The following KCNIP4 variants were observed in gnomAD, a reference collection of about 807,000 sequenced individuals.
The protein encoded by KCNIP4 is Kv channel-interacting protein 4.
Under a neutral mutation model 34.0 loss-of-function variants are expected in KCNIP4, and 12 were observed. The observed-to-expected ratio is 0.35, with a 90% confidence interval of 0.23 to 0.57. The LOEUF (loss-of-function observed/expected upper bound fraction) is 0.57, where lower values mean the gene tolerates loss of function less well. Ranked by LOEUF, KCNIP4 falls within the 20% of genes least tolerant of loss-of-function variation. KCNIP4 has a pLI of 0.83. For missense variants in KCNIP4, 238 were observed against 311.7 expected, an observed-to-expected ratio of 0.76 and a Z score of 1.78; for synonymous variants, 124 against 102.2, an observed-to-expected ratio of 1.21 and a Z score of -1.29.
chr4:21,519,153 G>A lies in KCNIP4; in HGVS notation c.61+429418C>T, dbSNP rs565022623. The stretch of plus-strand genomic sequence containing the variant: ...TGGTATTAGGAGGTGGGGCCTTTGG[G>A]AGGTGATTGAGACTTAAGGGTGAAG... On this transcript the variant is annotated intron_variant, in intron 1 of 8. Coordinates refer to ENST00000382152, the MANE Select transcript of KCNIP4 (RefSeq NM_025221.6). 1.4e-4 allele frequency among the ~76,000 whole-genome samples: 21 copies of A among 152,114 alleles called. No individual in the cohort carries two copies. The South Asian group carries it at 4.4e-3, about 32-fold the overall frequency.
chr4:21,779,302 A>C (rs2109209083), intron 1 of KCNIP4, among the ~76,000 whole-genome samples: 1 of 152,230 alleles, frequency 6.6e-6, no homozygotes, highest in Middle Eastern at 3.4e-3. Context: ...TTAGCATTTA[A>C]AAAGCATAAA....
At chr4:21,420,357 T>G (rs150146287) in intron 1 of KCNIP4, among the ~76,000 whole-genome samples, 2 of 152,328 alleles carry the variant, frequency 1.3e-5, no homozygotes, top group African/African-American at 4.8e-5. Context: ...GTTTATGAAC[T>G]GCTGTAATAG....
chr4:21,220,820 G>A (rs1283974280), intron 1 of KCNIP4, among the ~76,000 whole-genome samples: 1 of 152,030 alleles, frequency 6.6e-6, no homozygotes, highest in Non-Finnish European at 1.5e-5. Context: ...TCAGCTATGT[G>A]AGTTAATATA....
intron 1 of KCNIP4, among the ~76,000 whole-genome samples, chr4:21,943,521 C>G (rs553605820): frequency 6.6e-6 from 1 of 151,918 alleles, no homozygotes; most frequent in Non-Finnish European, 1.5e-5. Flanking sequence ...GCCTGGGCAA[C>G]AGAGTGAGAC....
Position 21,178,462 on chromosome 4 carries a change from G to T in KCNIP4, c.62-295753C>A, listed in dbSNP as rs1754595378. Among the ~76,000 whole-genome samples, 3 of 151,770 alleles carry T rather than the reference G, an allele frequency of 2.0e-5. No homozygotes were observed. The South Asian group carries it at 6.2e-4, about 31-fold the overall frequency. On this transcript the variant is annotated intron_variant, in intron 1 of 8. Coordinates refer to ENST00000382152, the MANE Select transcript of KCNIP4 (RefSeq NM_025221.6). ...CATCGTTACTGGGGTTCACATGAAG[G>T]TAGTGGATTCACAGACCTCAGTTTA...
intron 1 of KCNIP4, among the ~76,000 whole-genome samples, chr4:21,323,129 G>A (rs1173985229): frequency 7.4e-6 from 1 of 134,858 alleles, no homozygotes; most frequent in Non-Finnish European, 1.5e-5. Context: ...CTGAAAAATG[G>A]CATCTCTTTT....
intron 3 of KCNIP4, among the ~76,000 whole-genome samples, chr4:20,822,180 A>G (rs1320078739): frequency 1.3e-5 from 2 of 152,210 alleles, no homozygotes; most frequent in East Asian, 3.8e-4. Context: ...ATAAAGGACT[A>G]ATATCCAGAA....
intron 1 of KCNIP4, among the ~76,000 whole-genome samples, chr4:21,745,218 C>G (rs114711520): frequency 0.028 from 4,303 of 152,252 alleles, 188 homozygotes; most frequent in African/African-American, 0.097. Flanking sequence ...AGAAGAATCA[C>G]AAGTGAAAAC....
chr4:21,424,548 G>A (rs1444619080), intron 1 of KCNIP4, among the ~76,000 whole-genome samples: 18 of 151,866 alleles, frequency 1.2e-4, no homozygotes, highest in Admixed American at 8.5e-4. Flanking sequence ...TCCAGCCTGG[G>A]TGACAGATCA....
In KCNIP4 at chr4:21,195,396, G is replaced by A. The variant is rs961001953; in HGVS notation, c.62-312687C>T. ...GTTTTGGAAAGTTCATGTGACCTAG[G>A]TTTGCCGAATAAAAGACTTAGCAAC... is the stretch of plus-strand genomic sequence containing the variant. On this transcript the variant is annotated intron_variant, in intron 1 of 8. Transcript: ENST00000382152. 2.0e-5 allele frequency among the ~76,000 whole-genome samples: 3 copies of A among 152,186 alleles called. No homozygotes were observed. In the East Asian group the frequency reaches 5.8e-4, roughly 29 times the overall value.
At chr4:21,017,128 T>C (rs1277106738) in intron 1 of KCNIP4, among the ~76,000 whole-genome samples, 1 of 152,190 alleles carries the variant, frequency 6.6e-6, no homozygotes, top group Non-Finnish European at 1.5e-5. Context: ...GGACTAGCTG[T>C]TCAAATGTTC....
chr4:21,420,245 A>G (rs1031015330), intron 1 of KCNIP4, among the ~76,000 whole-genome samples: 1 of 152,338 alleles, frequency 6.6e-6, no homozygotes, highest in Middle Eastern at 3.4e-3. Flanking sequence ...CACAAAATTA[A>G]AATGGCGAAA....
At chr4:21,755,979 C>A (rs894562970) in intron 1 of KCNIP4, among the ~76,000 whole-genome samples, 1 of 152,170 alleles carries the variant, frequency 6.6e-6, no homozygotes, top group African/African-American at 2.4e-5. Flanking sequence ...ACCTCTGAAA[C>A]AACATAAGTC....
At chr4:21,555,304 T>C (rs1422059369) in intron 1 of KCNIP4, among the ~76,000 whole-genome samples, 1 of 152,128 alleles carries the variant, frequency 6.6e-6, no homozygotes, top group African/African-American at 2.4e-5. Flanking sequence ...CACTGAGCCA[T>C]GCTGTATTTG....
chr4:21,469,595 T>TG (rs1460977720), intron 1 of KCNIP4, among the ~76,000 whole-genome samples: 2 of 152,226 alleles, frequency 1.3e-5, no homozygotes, highest in Non-Finnish European at 2.9e-5. Flanking sequence ...ATGCTTTTCC[T>TG]GGTCAAGTAG....
chr4:21,656,290 G>A (rs1219432815), intron 1 of KCNIP4, among the ~76,000 whole-genome samples: 2 of 152,014 alleles, frequency 1.3e-5, no homozygotes, highest in Non-Finnish European at 2.9e-5. Flanking sequence ...CTTTTTATCA[G>A]GACAACAGTC....
At chr4:21,628,706 C>T (rs143383155) in intron 1 of KCNIP4, among the ~76,000 whole-genome samples, 3 of 151,890 alleles carry the variant, frequency 2.0e-5, no homozygotes, top group African/African-American at 4.8e-5. Flanking sequence ...GTACTTTTAA[C>T]GGCACTAGAA....
intron 1 of KCNIP4, among the ~76,000 whole-genome samples, chr4:21,659,476 T>C (rs1418595103): frequency 6.6e-6 from 1 of 152,166 alleles, no homozygotes; most frequent in Non-Finnish European, 1.5e-5. Context: ...AACAACCTCT[T>C]AGCCTGGTAG....
chr4:21,320,044 A>T (rs1002228200), intron 1 of KCNIP4, among the ~76,000 whole-genome samples: 2 of 152,230 alleles, frequency 1.3e-5, no homozygotes, highest in Non-Finnish European at 2.9e-5. Context: ...ATCATCAGGA[A>T]AGTTTTCTAA....
Sources: allele counts gnomAD v4.1 joint callset (sites outside exome capture counted in the v4.1 genomes callset), GRCh38; gene constraint gnomAD v4.1.1; transcripts MANE v1.5; gene names NCBI Gene and HGNC (gene_info 2026-07-23, HGNC 2026-07-21).